TGFBR3: variants seen among roughly 807,000 people sequenced by gnomAD.
TGFBR3 encodes the protein transforming growth factor beta receptor type 3.
In TGFBR3, 46 loss-of-function variants were observed where a neutral mutation model predicts 87.9. The observed-to-expected ratio is 0.52, with a 90% CI of 0.41 to 0.67. TGFBR3 has a LOEUF of 0.67. Ranked by LOEUF, TGFBR3 falls within the 30% of genes least tolerant of loss-of-function variation. TGFBR3 has a pLI of 0.00. For missense variants in TGFBR3, 866 were observed against 1,041.9 expected, an observed-to-expected ratio of 0.83 and a Z score of 2.32; for synonymous variants, 381 against 391.6, an observed-to-expected ratio of 0.97 and a Z score of 0.32.
chr1:91,832,711 T>C (rs1307657429), intron 2 of TGFBR3, among the ~76,000 whole-genome samples: 2 of 152,128 alleles, frequency 1.3e-5, no homozygotes, highest in Admixed American at 6.5e-5. Flanking sequence ...CAGAGAAAAC[T>C]CTGAATCGGG....
intron 2 of TGFBR3, among the ~76,000 whole-genome samples, chr1:91,837,349 A>T (rs905957929): frequency 6.6e-6 from 1 of 151,982 alleles, no homozygotes; most frequent in South Asian, 2.1e-4. Flanking sequence ...GGGTTTAAGC[A>T]ATTCTCCTGC....
chr1:91,864,762 T>G (rs1443747893), intron 1 of TGFBR3, among the ~76,000 whole-genome samples: 2 of 152,248 alleles, frequency 1.3e-5, no homozygotes, highest in African/African-American at 2.4e-5. Context: ...TCCGAAAAGT[T>G]GTAGCTTTGA....
In TGFBR3 at chr1:91,728,266, T is replaced by TAA. The variant is rs200793580; in HGVS notation, c.738-462_738-461dup. Among the ~76,000 whole-genome samples, 5 of 147,260 alleles carry TAA rather than the reference T, an allele frequency of 3.4e-5. No individual in the cohort carries two copies. The East Asian group carries it at 5.9e-4, about 17-fold the overall frequency. ...TGTTGGGATAAGGGAAGCATGGTGG[T>TAA]AAAAAAAAAAATTAGGAAACTTCAG... On this transcript the variant is annotated intron_variant, in intron 6 of 16. Transcript: ENST00000212355.
chr1:91,891,749 C>G (rs1334788224), intron 2 of TGFBR3, among the ~76,000 whole-genome samples: 1 of 152,126 alleles, frequency 6.6e-6, no homozygotes, highest in Non-Finnish European at 1.5e-5. Flanking sequence ...AGTATCTGCC[C>G]TTATTTTCTG....
intron 2 of TGFBR3, among the ~76,000 whole-genome samples, chr1:91,844,511 T>C (rs1296950993): frequency 6.6e-6 from 1 of 152,240 alleles, no homozygotes; most frequent in Non-Finnish European, 1.5e-5. Context: ...TGTTCATGAA[T>C]AGCAAAACAG....
chr1:91,681,032 C>G lies in TGFBR3; in HGVS notation c.*2707G>C, dbSNP rs34364530. 0.01 allele frequency: 4,582 copies of G among 454,006 alleles called. 30 individuals carry two copies. Among genetic ancestry groups the G allele is most frequent in the Middle Eastern group, 0.019 (28 of 1,444 alleles). The allele number at this position is 454,006 out of a possible 1,614,324, so 28.1% of individuals were successfully genotyped here. A position where few individuals can be genotyped will look rare whatever the true frequency, so the allele number is the denominator to read the frequency against. On this transcript the variant is annotated 3_prime_UTR_variant, in exon 17 of 17. Coordinates refer to ENST00000212355, the MANE Select transcript of TGFBR3 (RefSeq NM_003243.5). ...GGCATTTTAACAACAGCTTCAGCATCAAACAAACAACAAAATGGCCTCTGC... is the reference window on the plus strand; with the variant it reads ...GGCATTTTAACAACAGCTTCAGCATGAAACAAACAACAAAATGGCCTCTGC...
intron 1 of TGFBR3, among the ~76,000 whole-genome samples, chr1:91,869,941 A>T (rs542843965): frequency 6.6e-6 from 1 of 152,310 alleles, no homozygotes; most frequent in East Asian, 1.9e-4. Context: ...GAGACTTCAA[A>T]CACACTTGTG....
chr1:91,860,690 G>C (rs1026534098), intron 2 of TGFBR3, among the ~76,000 whole-genome samples: 8 of 152,064 alleles, frequency 5.3e-5, no homozygotes, highest in African/African-American at 1.9e-4. Context: ...CCAGCACTTT[G>C]GGAGACCAAG....
At chr1:91,863,223 T>C (rs1020262762) in intron 1 of TGFBR3, among the ~76,000 whole-genome samples, 3 of 152,184 alleles carry the variant, frequency 2.0e-5, no homozygotes, top group Admixed American at 6.6e-5. Flanking sequence ...ATTTCTTAGA[T>C]ATGTCTTGAA....
At chr1:91,723,480 T>TAAAAAAA (rs58578681) in intron 7 of TGFBR3, among the ~76,000 whole-genome samples, 15 of 109,134 alleles carry the variant, frequency 1.4e-4, no homozygotes, top group African/African-American at 3.4e-4. Context: ...GACCCTGCCT[T>TAAAAAAA]AAAAAAAAAA....
chr1:91,813,390 A>G (rs1263919623), intron 2 of TGFBR3, among the ~76,000 whole-genome samples: 1 of 152,226 alleles, frequency 6.6e-6, no homozygotes, highest in Non-Finnish European at 1.5e-5. Context: ...AAACAAATGT[A>G]TAACTAGGTA....
intron 3 of TGFBR3, among the ~76,000 whole-genome samples, chr1:91,762,731 G>C (rs976540221): frequency 6.6e-6 from 1 of 152,222 alleles, no homozygotes; most frequent in African/African-American, 2.4e-5. Flanking sequence ...AAATGGAAAA[G>C]AGTTAATTGG....
intron 2 of TGFBR3, among the ~76,000 whole-genome samples, chr1:91,861,065 A>G (rs1389897736): frequency 6.6e-6 from 1 of 152,082 alleles, no homozygotes; most frequent in Non-Finnish European, 1.5e-5. Context: ...ATTTGCTAAT[A>G]AAGGACAAAA....
rs138252996 is a variant in TGFBR3, at chr1:91,716,845, C to T, written c.1567-137G>A. The T allele has an allele frequency of 4.7e-5, 52 of 1,110,364 alleles. No individual in the cohort carries two copies. The Middle Eastern group carries it at 6.4e-4, about 14-fold the overall frequency. The allele number at this position is 1,110,364 out of a possible 1,614,324, so 68.8% of individuals were successfully genotyped here. On this transcript the variant is annotated intron_variant, in intron 10 of 16. Transcript: ENST00000212355. The stretch of plus-strand genomic sequence containing the variant: ...ACTTTAAGACAAAATAATAAAATAA[C>T]ATCCAGGCTTTTTCGAATTATATCT...
At chr1:91,833,336 C>T (rs1486865455) in intron 2 of TGFBR3, among the ~76,000 whole-genome samples, 1 of 147,250 alleles carries the variant, frequency 6.8e-6, no homozygotes, top group Non-Finnish European at 1.5e-5. Context: ...TAACCCACGC[C>T]TGTAATACCA....
At chr1:91,818,278 CTTTTTTTTTTTTTTTTTTTTT>C (rs760050197) in intron 2 of TGFBR3, among the ~76,000 whole-genome samples, 5 of 32,496 alleles carry the variant, frequency 1.5e-4, no homozygotes, top group African/African-American at 4.0e-4. Flanking sequence ...TAGCCCCAGC[CTTTTTTTTTTTTTTTTTTTTT>C]TTTTTTTTTT....
At chr1:91,858,593 C>T (rs2634023) in intron 2 of TGFBR3, among the ~76,000 whole-genome samples, 17,618 of 113,008 alleles carry the variant, frequency 0.16, 1,423 homozygotes, top group East Asian at 0.45. Flanking sequence ...GTAGCCGGGG[C>T]GAGTGAGACT....
chr1:91,815,667 C>A (rs1039086187), intron 2 of TGFBR3, among the ~76,000 whole-genome samples: 2 of 152,124 alleles, frequency 1.3e-5, no homozygotes, highest in African/African-American at 4.8e-5. Context: ...GTTGCCTCAC[C>A]TGGAGTTAAT....
At chr1:91,758,403 C>A (rs957674835) in intron 4 of TGFBR3, among the ~76,000 whole-genome samples, 1 of 152,140 alleles carries the variant, frequency 6.6e-6, no homozygotes, top group Non-Finnish European at 1.5e-5. Context: ...CCAGCCTCTG[C>A]CCACAGAAGA....
Sources: gnomAD v4.1 joint callset for allele counts (sites outside exome capture counted in the v4.1 genomes callset) on GRCh38, gnomAD v4.1.1 for gene constraint, MANE v1.5 for transcripts, NCBI Gene and HGNC (gene_info 2026-07-23, HGNC 2026-07-21) for gene names.